Variants in CSRNP3 observed in about 807,000 individuals in gnomAD.
CSRNP3 encodes the protein cysteine/serine-rich nuclear protein 3.
In CSRNP3, 12 loss-of-function variants were observed where a neutral mutation model predicts 48.0. The ratio of observed to expected loss-of-function variants is 0.25; its 90% CI spans 0.16 to 0.41. CSRNP3 has a LOEUF of 0.41. Among genes scored for constraint, CSRNP3 ranks in the 10% least tolerant of loss-of-function variants. The probability of loss-of-function intolerance (pLI) is 1.00; values close to 1 mark genes in which losing one functional copy is unlikely to be tolerated. For missense variants in CSRNP3, 580 were observed against 724.4 expected (o/e 0.80, Z 2.29); for synonymous variants, 263 against 269.7 (o/e 0.98, Z 0.24).
intron 3 of CSRNP3, among the ~76,000 whole-genome samples, chr2:165,526,807 T>A (rs939276110): frequency 3.9e-5 from 6 of 152,162 alleles, no homozygotes; most frequent in African/African-American, 1.2e-4. Flanking sequence ...ATGGACCATA[T>A]CATACTACAG....
In CSRNP3 at chr2:165,647,986, G is replaced by A. The variant is rs1000933864; in HGVS notation, c.149-9775G>A. 2.6e-5 allele frequency among the ~76,000 whole-genome samples: 4 copies of A among 152,174 alleles called. No homozygotes were observed. The South Asian group carries it at 6.2e-4, about 24-fold the overall frequency. ...GGAGCTTCTGTGTATTATATAGAAC[G>A]GGGGGAAAATTCCTAATTTTTGGTC... On this transcript the variant is annotated intron_variant, in intron 4 of 6. Coordinates refer to ENST00000651982, the MANE Select transcript of CSRNP3 (RefSeq NM_001172173.2).
chr2:165,565,523 TC>T (rs376673942), intron 3 of CSRNP3, among the ~76,000 whole-genome samples: 1,606 of 152,170 alleles, frequency 0.011, 19 homozygotes, highest in South Asian at 0.028. Context: ...ATAATTCCCT[TC>T]CTTCCATAAA....
At chr2:165,482,265 C>CA (rs1553469629) in intron 1 of CSRNP3, among the ~76,000 whole-genome samples, 1 of 143,282 alleles carries the variant, frequency 7.0e-6, no homozygotes, top group African/African-American at 2.6e-5. Context: ...AAGAGATGTG[C>CA]TTTTTTTTTT....
intron 3 of CSRNP3, among the ~76,000 whole-genome samples, chr2:165,539,589 G>A (rs1171432805): frequency 6.6e-6 from 1 of 151,940 alleles, no homozygotes; most frequent in Non-Finnish European, 1.5e-5. Flanking sequence ...TTGAACAGCT[G>A]ATGTATAAAA....
rs187212419 is a variant in CSRNP3, at chr2:165,542,500, A to G, written c.-24+24539A>G. The stretch of plus-strand genomic sequence containing the variant: ...TAATATAATGTAAACTACTTTTTTA[A>G]GTTGTCAATAGTTTGTGAGCACCTT... On this transcript the variant is annotated intron_variant, in intron 3 of 6. Coordinates refer to ENST00000651982, the MANE Select transcript of CSRNP3 (RefSeq NM_001172173.2). Among the ~76,000 whole-genome samples the G allele has an allele frequency of 3.0e-3, 452 of 152,288 alleles. 1 individual carries two copies. The highest frequency in any genetic ancestry group is 5.2e-3 in the Non-Finnish European group (357 of 68,020).
At chr2:165,489,452 C>A (rs1490416556) in intron 1 of CSRNP3, among the ~76,000 whole-genome samples, 1 of 128,160 alleles carries the variant, frequency 7.8e-6, no homozygotes, top group Non-Finnish European at 1.6e-5. Flanking sequence ...TTTTATGAGG[C>A]CAGCATCATT....
intron 3 of CSRNP3, among the ~76,000 whole-genome samples, chr2:165,520,832 T>TATATATATATA (rs1491323403): frequency 1.6e-5 from 1 of 62,664 alleles, no homozygotes; most frequent in African/African-American, 6.4e-5. Context: ...TATATACATA[T>TATATATATATA]TTTTTTTTCC....
At chr2:165,642,229 A>G (rs545385599) in intron 4 of CSRNP3, among the ~76,000 whole-genome samples, 17 of 152,258 alleles carry the variant, frequency 1.1e-4, no homozygotes, top group African/African-American at 4.1e-4. Context: ...GGGCTGCCAA[A>G]ATGATTCCAA....
chr2:165,606,907 C>T (rs999810311), intron 4 of CSRNP3, among the ~76,000 whole-genome samples: 3 of 151,918 alleles, frequency 2.0e-5, no homozygotes, highest in African/African-American at 7.3e-5. Flanking sequence ...AGGCTTAGAA[C>T]CTCTAGGGAT....
intron 3 of CSRNP3, among the ~76,000 whole-genome samples, chr2:165,522,144 T>G (rs1484277260): frequency 6.6e-6 from 1 of 151,840 alleles, no homozygotes; most frequent in Non-Finnish European, 1.5e-5. Context: ...TACAAAAAAT[T>G]AGCTGGGTGC....
rs971419018 is a variant in CSRNP3, at chr2:165,557,333, C to T, written c.-23-37710C>T. 9.8e-5 allele frequency among the ~76,000 whole-genome samples: 15 copies of T among 152,288 alleles called. No individual in the cohort carries two copies. The East Asian group carries it at 1.4e-3, about 14-fold the overall frequency. Reference sequence around the variant, plus strand: ...AAACAACGGAGTTGAGTACTTGTGACGGCAACCATATGTTTTGCAAAAGCC... The same window carrying T: ...AAACAACGGAGTTGAGTACTTGTGATGGCAACCATATGTTTTGCAAAAGCC... On this transcript the variant is annotated intron_variant, in intron 3 of 6. Transcript: ENST00000651982.
chr2:165,495,919 A>G (rs1443126740), intron 2 of CSRNP3, among the ~76,000 whole-genome samples: 1 of 151,970 alleles, frequency 6.6e-6, no homozygotes, highest in Non-Finnish European at 1.5e-5. Flanking sequence ...TGGGTGTAGC[A>G]AGCCGATATG....
intron 1 of CSRNP3, among the ~76,000 whole-genome samples, chr2:165,476,677 A>G (rs1683966330): frequency 1.3e-5 from 2 of 152,220 alleles, no homozygotes; most frequent in Admixed American, 6.5e-5. Context: ...TTCCTAACTG[A>G]TTGACTTTGC....
At chr2:165,629,327 G>A (rs1686493524) in intron 4 of CSRNP3, among the ~76,000 whole-genome samples, 2 of 152,156 alleles carry the variant, frequency 1.3e-5, no homozygotes, top group Admixed American at 1.3e-4. Context: ...CACCCTCACT[G>A]TTTGCCTCTT....
At chr2:165,502,296 C>T (rs1040213482) in intron 2 of CSRNP3, among the ~76,000 whole-genome samples, 5 of 151,624 alleles carry the variant, frequency 3.3e-5, no homozygotes, top group African/African-American at 7.3e-5. Flanking sequence ...ATCTTAAATA[C>T]GTGGTATAAT....
At chr2:165,645,073 C>A (rs1314858534) in intron 4 of CSRNP3, among the ~76,000 whole-genome samples, 1 of 152,144 alleles carries the variant, frequency 6.6e-6, no homozygotes, top group Non-Finnish European at 1.5e-5. Flanking sequence ...GTGGCTCATA[C>A]TTGTAATTAC....
intron 3 of CSRNP3, among the ~76,000 whole-genome samples, chr2:165,526,095 G>A (rs1684729437): frequency 6.6e-6 from 1 of 152,168 alleles, no homozygotes; most frequent in South Asian, 2.1e-4. Flanking sequence ...ACTGACGTAT[G>A]TATTTATACT....
chr2:165,679,191 C>T lies in CSRNP3; in HGVS notation c.1196C>T (p.Thr399Ile), dbSNP rs759478711. 6.2e-7 allele frequency: 1 copy of T among 1,613,712 alleles called. No homozygotes were observed. Among genetic ancestry groups the T allele is most frequent in the African/African-American group, 1.3e-5 (1 of 74,844 alleles). The change falls in exon 7 of 7, where the codon ACC becomes ATC. Residue 399 changes from threonine to isoleucine, a missense_variant. Thr to Ile is a moderately conservative substitution (Grantham distance 89). This residue lies in a region of CSRNP3 where 369 missense variants were observed against 380.8 expected (regional missense o/e 0.97). Coordinates refer to ENST00000651982, the MANE Select transcript of CSRNP3 (RefSeq NM_001172173.2). ...GATGGCTTCGTGGAAGGTTTGGGCA[C>T]CCATGCCGAAGTTGTCCCTCTTCCT... ...KGDGFVEGLG[T>I]HAEVVPLPSV...
At chr2:165,584,864 A>G (rs1251240866) in intron 3 of CSRNP3, among the ~76,000 whole-genome samples, 1 of 152,204 alleles carries the variant, frequency 6.6e-6, no homozygotes, top group East Asian at 1.9e-4. Flanking sequence ...CACGTAAAAT[A>G]TACTAACACT....
Sources: allele counts gnomAD v4.1 joint callset (sites outside exome capture counted in the v4.1 genomes callset), GRCh38; gene constraint gnomAD v4.1.1; regional missense constraint gnomAD v4.1.1; transcripts MANE v1.5; gene names NCBI Gene and HGNC (gene_info 2026-07-23, HGNC 2026-07-21).